PTPRE: variants seen among roughly 807,000 people sequenced by gnomAD.
PTPRE encodes protein tyrosine phosphatase receptor type E, also known as receptor-type tyrosine-protein phosphatase epsilon.
PTPRE carries 51 observed loss-of-function variants against 102.0 expected under a neutral mutation model. The observed-to-expected ratio is 0.50, with a 90% CI of 0.40 to 0.63. The LOEUF is 0.63. Ranked by LOEUF, PTPRE falls within the 30% of genes least tolerant of loss-of-function variation. PTPRE has a pLI of 0.00. For synonymous variants in PTPRE, 345 were observed against 348.2 expected (o/e 0.99, Z 0.10); for missense variants, 752 against 915.1 (o/e 0.82, Z 2.30).
intron 1 of PTPRE, among the ~76,000 whole-genome samples, chr10:127,908,615 C>A (rs2135115055): frequency 6.6e-6 from 1 of 152,282 alleles, no homozygotes; most frequent in East Asian, 1.9e-4. Flanking sequence ...ACTTTCCAAG[C>A]ACAGGCTCTT....
At chr10:128,061,851 A>G in intron 9 of PTPRE, 136 bp downstream of exon 9, 1 of 1,086,730 alleles carries the variant, frequency 9.2e-7, no homozygotes, top group Non-Finnish European at 1.3e-6. Context: ...CACGTTAGAT[A>G]TCCATTCACA....
intron 3 of PTPRE, among the ~76,000 whole-genome samples, chr10:128,042,322 T>C (rs140751646): frequency 1.2e-3 from 185 of 152,338 alleles, no homozygotes; most frequent in Non-Finnish European, 1.8e-3. Flanking sequence ...CGGGTGGCAC[T>C]GTGGGCACCG....
chr10:128,022,997 C>T (rs1269394582), intron 2 of PTPRE, among the ~76,000 whole-genome samples: 6 of 152,218 alleles, frequency 3.9e-5, no homozygotes, highest in Non-Finnish European at 5.9e-5. Context: ...GTAGAGAGCG[C>T]CATCTGCATT....
chr10:127,967,205 T>G (rs1850321892), intron 1 of PTPRE, among the ~76,000 whole-genome samples: 1 of 152,218 alleles, frequency 6.6e-6, no homozygotes, highest in Non-Finnish European at 1.5e-5. Context: ...TTAATGAATT[T>G]GTTTGCTTAT....
chr10:128,076,549 C>T (rs1044241582), intron 17 of PTPRE, 54 bp from the exon 18 acceptor site: 23 of 1,510,250 alleles, frequency 1.5e-5, no homozygotes, highest in South Asian at 3.8e-5. Flanking sequence ...AACTCAAAAT[C>T]GCCAGCAGCA....
intron 1 of PTPRE, among the ~76,000 whole-genome samples, chr10:127,925,708 C>T (rs894448680): frequency 9.2e-5 from 14 of 152,150 alleles, no homozygotes; most frequent in African/African-American, 2.9e-4. Flanking sequence ...GGGGCTATCA[C>T]CCTAAAGACC....
chr10:128,069,636 C>T (rs1416221839), intron 12 of PTPRE, 56 bp from the exon 13 acceptor site: 1 of 1,602,436 alleles, frequency 6.2e-7, no homozygotes, highest in African/African-American at 1.3e-5. Flanking sequence ...CGGGGCCTTT[C>T]ATTTACTTCG....
intron 2 of PTPRE, among the ~76,000 whole-genome samples, chr10:128,030,310 G>A (rs892359336): frequency 6.6e-6 from 1 of 152,152 alleles, no homozygotes; most frequent in African/African-American, 2.4e-5. Flanking sequence ...ATGATTTCGT[G>A]GGATTCTCTT....
intron 17 of PTPRE, among the ~76,000 whole-genome samples, chr10:128,073,974 T>A (rs781412935): frequency 1.3e-5 from 2 of 152,240 alleles, no homozygotes; most frequent in African/African-American, 4.8e-5. Flanking sequence ...AAGGGTACAA[T>A]TCAGTGAATT....
chr10:128,031,277 T>C (rs61875265), intron 2 of PTPRE, among the ~76,000 whole-genome samples: 27,738 of 152,234 alleles, frequency 0.18, 2,843 homozygotes, highest in East Asian at 0.37. Flanking sequence ...GGGTGGGCTG[T>C]ACTCAGCGAG....
At chr10:128,007,092 T>C (rs550939777) in intron 2 of PTPRE, among the ~76,000 whole-genome samples, 1 of 152,240 alleles carries the variant, frequency 6.6e-6, no homozygotes, top group African/African-American at 2.4e-5. Flanking sequence ...TATTTTGAGG[T>C]TTCTCTCTCT....
intron 1 of PTPRE, among the ~76,000 whole-genome samples, chr10:127,976,621 A>G (rs1851200428): frequency 6.6e-6 from 1 of 152,180 alleles, no homozygotes; most frequent in African/African-American, 2.4e-5. Flanking sequence ...TTCTTCCCCC[A>G]GGCTTAGCAA....
At chr10:128,060,629 C>G (rs1158227885) in intron 7 of PTPRE, among the ~76,000 whole-genome samples, 1 of 152,194 alleles carries the variant, frequency 6.6e-6, no homozygotes, top group Non-Finnish European at 1.5e-5. Flanking sequence ...CTGGCACATT[C>G]TGCTATTCTT....
intron 1 of PTPRE, among the ~76,000 whole-genome samples, chr10:127,964,414 G>A (rs12049650): frequency 0.17 from 26,216 of 152,048 alleles, 2,647 homozygotes; most frequent in Admixed American, 0.25. Context: ...CAGGTGATCC[G>A]CCCACCTTGG....
At chr10:128,043,761 G>A (rs1347474552) in intron 3 of PTPRE, among the ~76,000 whole-genome samples, 1 of 152,144 alleles carries the variant, frequency 6.6e-6, no homozygotes. Flanking sequence ...TCCTATTTTG[G>A]TCTATCCAAA....
intron 1 of PTPRE, among the ~76,000 whole-genome samples, chr10:127,928,457 G>A (rs759745855): frequency 3.3e-5 from 5 of 152,226 alleles, no homozygotes; most frequent in African/African-American, 4.8e-5. Flanking sequence ...GTTTTCAAAT[G>A]TACAGGGACC....
At chr10:128,001,847 AGGGGCACTGGAAACATCACC>A (rs962287900) in intron 2 of PTPRE, among the ~76,000 whole-genome samples, 6 of 152,164 alleles carry the variant, frequency 3.9e-5, no homozygotes, top group African/African-American at 1.4e-4. Context: ...ATCTGGAGTA[AGGGGCACTGGAAACATCACC>A]GGGGCCCTAT....
Position 128,070,384 on chromosome 10 carries a change from G to C in PTPRE, c.1227G>C (p.Lys409Asn). The C allele has an allele frequency of 6.2e-7, 1 of 1,614,190 alleles. No individual in the cohort carries two copies. Among genetic ancestry groups the C allele is most frequent in the Non-Finnish European group, 8.5e-7 (1 of 1,180,028 alleles). The change falls in exon 14 of 21, where the codon AAG becomes AAC. Residue 409 changes from lysine (K) to asparagine (N), a missense_variant. This residue lies in a region of PTPRE where 636 missense variants were observed against 824.4 expected (regional missense o/e 0.77). Coordinates refer to ENST00000254667, the MANE Select transcript of PTPRE (RefSeq NM_006504.6). The surrounding 1 kb of genome is among the most constrained non-coding windows in gnomAD (Gnocchi z 4.8). Reference protein sequence around the residue: ...DTELDVSSLEKHLQTMHGTTT... With the variant: ...DTELDVSSLENHLQTMHGTTT... The stretch of plus-strand genomic sequence containing the variant: ...AGCTGGACGTGTCCTCCCTGGAGAA[G>C]CACCTGCAGACCATGCACGGCACCA...
rs370800918 is a variant in PTPRE at position 127,955,402 on chromosome 10, C to T, written c.-30-26872C>T. Among the ~76,000 whole-genome samples, 39 of 152,224 alleles carry T rather than the reference C, an allele frequency of 2.6e-4. No homozygotes were observed. In the East Asian group the frequency reaches 3.9e-3, roughly 15 times the overall value. ...AGAATACAGAATGGGTAGTAGAAGA[C>T]GGCAGTTTATCAATACCAGCTATGC... On this transcript the variant is annotated intron_variant, in intron 1 of 20. Transcript: ENST00000254667.
Sources: allele counts gnomAD v4.1 joint callset (sites outside exome capture counted in the v4.1 genomes callset), GRCh38; gene constraint gnomAD v4.1.1; regional missense constraint gnomAD v4.1.1; non-coding constraint Gnocchi (gnomAD v3.1); transcripts MANE v1.5; gene names NCBI Gene and HGNC (gene_info 2026-07-23, HGNC 2026-07-21).